GAB2: variants seen among roughly 807,000 people sequenced by gnomAD.
GAB2 encodes the protein GRB2 associated binding protein 2.
A neutral mutation model predicts 65.5 loss-of-function variants in GAB2; 26 were observed. The ratio of observed to expected loss-of-function variants is 0.40; its 90% CI spans 0.29 to 0.55. The LOEUF (loss-of-function observed/expected upper bound fraction) is 0.55. Ranked by LOEUF, GAB2 falls within the 20% of genes least tolerant of loss-of-function variation. GAB2 has a pLI of 0.53. For missense variants in GAB2, 884 were observed against 875.8 expected (o/e 1.01, Z -0.12); for synonymous variants, 321 against 329.6 (o/e 0.97, Z 0.28).
chr11:78,329,915 C>T (rs10793302), intron 1 of GAB2, among the ~76,000 whole-genome samples: 33,296 of 152,142 alleles, frequency 0.22, 3,952 homozygotes, highest in East Asian at 0.41. Context: ...TGTTTGCAGG[C>T]AGTCTGCCAA....
At chr11:78,240,235 T>C (rs1293835438) in intron 3 of GAB2, among the ~76,000 whole-genome samples, 2 of 152,026 alleles carry the variant, frequency 1.3e-5, no homozygotes, top group Non-Finnish European at 2.9e-5. Context: ...ATAATATGGT[T>C]CCCTGCATTC....
At chr11:78,235,829 G>A (rs543000587) in intron 3 of GAB2, among the ~76,000 whole-genome samples, 2 of 152,226 alleles carry the variant, frequency 1.3e-5, no homozygotes, top group Admixed American at 6.5e-5. Context: ...ACATTTTCCT[G>A]TCTTCTTCTG....
chr11:78,380,501 G>T (rs1856684442), intron 1 of GAB2, among the ~76,000 whole-genome samples: 1 of 152,132 alleles, frequency 6.6e-6, no homozygotes, highest in African/African-American at 2.4e-5. Context: ...CATTTCTAAG[G>T]CCTCATTTGA....
intron 1 of GAB2, among the ~76,000 whole-genome samples, chr11:78,291,262 C>A (rs1866660470): frequency 7.3e-6 from 1 of 136,302 alleles, no homozygotes. Flanking sequence ...ACCATCCTGG[C>A]TAATACGGTG....
chr11:78,263,639 A>G (rs1171378049), intron 2 of GAB2, among the ~76,000 whole-genome samples: 3 of 150,268 alleles, frequency 2.0e-5, no homozygotes, highest in African/African-American at 7.4e-5. Context: ...TCTGGGGGAA[A>G]AAAAAAAAAA....
At chr11:78,291,561 CTTTTTTTTTTTT>C (rs1163199130) in intron 1 of GAB2, among the ~76,000 whole-genome samples, 4 of 80,896 alleles carry the variant, frequency 4.9e-5, no homozygotes, top group Non-Finnish European at 6.5e-5. Flanking sequence ...TTTTCTTTTT[CTTTTTTTTTTTT>C]TTTTTTTTTT....
At chr11:78,370,459 A>T (rs1856556132) in intron 1 of GAB2, among the ~76,000 whole-genome samples, 1 of 152,128 alleles carries the variant, frequency 6.6e-6, no homozygotes, top group African/African-American at 2.4e-5. Context: ...GATGGGCAAG[A>T]TGTTTTTTAT....
chr11:78,393,695 G>A (rs954399270), intron 1 of GAB2, among the ~76,000 whole-genome samples: 18 of 152,074 alleles, frequency 1.2e-4, no homozygotes, highest in African/African-American at 3.9e-4. Flanking sequence ...ATAAAATAGC[G>A]GAAAATAGTT....
At chr11:78,397,117 G>A (rs1856911921) in intron 1 of GAB2, among the ~76,000 whole-genome samples, 1 of 151,884 alleles carries the variant, frequency 6.6e-6, no homozygotes, top group Non-Finnish European at 1.5e-5. Context: ...AATAAAACAA[G>A]TATTAACAAA....
rs60349763 is a variant in GAB2, at chr11:78,411,159, TGG to T, written c.75+6485_75+6486del. ...ACAGCAAGATTCTGGTGGGGGTGGT[TGG>T]GGGGGGGGATGGTGGAAGGAGAAGA... On this transcript the variant is annotated intron_variant, in intron 1 of 9. Transcript: ENST00000361507. 8.3e-3 allele frequency among the ~76,000 whole-genome samples: 653 copies of T among 79,142 alleles called. 6 individuals carry two copies. Among genetic ancestry groups the T allele is most frequent in the African/African-American group, 0.027 (632 of 23,188 alleles). The allele number at this position is 79,142 out of a possible 152,430, so 51.9% of individuals were successfully genotyped here.
intron 1 of GAB2, among the ~76,000 whole-genome samples, chr11:78,361,783 G>A (rs1481267310): frequency 6.6e-6 from 1 of 152,142 alleles, no homozygotes; most frequent in Non-Finnish European, 1.5e-5. Flanking sequence ...CAAACCCTCT[G>A]GAGAGCAATG....
At chr11:78,241,587 AC>A (rs1316663390) in intron 3 of GAB2, among the ~76,000 whole-genome samples, 1 of 151,452 alleles carries the variant, frequency 6.6e-6, no homozygotes, top group Non-Finnish European at 1.5e-5. Flanking sequence ...CACAATATGA[AC>A]AAAAAAATTC....
intron 1 of GAB2, among the ~76,000 whole-genome samples, chr11:78,372,764 T>G (rs190124841): frequency 6.6e-6 from 1 of 152,330 alleles, no homozygotes; most frequent in East Asian, 1.9e-4. Flanking sequence ...TTTTTATCTC[T>G]TAATCAATTC....
Position 78,415,896 on chromosome 11 carries a change from G to C in GAB2, c.75+1750C>G, listed in dbSNP as rs139277397. Reference sequence around the variant, plus strand: ...AAATTGTTTCAAAAACAACTTTCAAGGTTCTTTAGTGTATAGTGTTCAAAC... The same window carrying C: ...AAATTGTTTCAAAAACAACTTTCAACGTTCTTTAGTGTATAGTGTTCAAAC... On this transcript the variant is annotated intron_variant, in intron 1 of 9. Transcript: ENST00000361507. 1.8e-3 allele frequency among the ~76,000 whole-genome samples: 277 copies of C among 151,444 alleles called. 1 individual carries two copies. The highest frequency in any genetic ancestry group is 6.5e-3 in the African/African-American group (270 of 41,254).
At chr11:78,246,916 C>T (rs751982934) in intron 3 of GAB2, among the ~76,000 whole-genome samples, 3 of 152,154 alleles carry the variant, frequency 2.0e-5, no homozygotes, top group Admixed American at 1.3e-4. Context: ...TTGTTGCACT[C>T]GATTCGGTTT....
At chr11:78,302,356 C>CA (rs1402316244) in intron 1 of GAB2, among the ~76,000 whole-genome samples, 1 of 152,042 alleles carries the variant, frequency 6.6e-6, no homozygotes, top group East Asian at 1.9e-4. Flanking sequence ...ACAATCTCAT[C>CA]AAAAAGTGAG....
intron 3 of GAB2, among the ~76,000 whole-genome samples, chr11:78,246,058 T>C (rs986184158): frequency 1.5e-4 from 22 of 151,682 alleles, no homozygotes; most frequent in African/African-American, 5.3e-4. Flanking sequence ...GCCTCCCAAG[T>C]AGCTGGGATT....
At chr11:78,230,235 C>A (rs1864801650) in intron 3 of GAB2, among the ~76,000 whole-genome samples, 1 of 152,248 alleles carries the variant, frequency 6.6e-6, no homozygotes, top group South Asian at 2.1e-4. Context: ...AAAGCCCTTC[C>A]TCTGTAGAAC....
intron 1 of GAB2, among the ~76,000 whole-genome samples, chr11:78,282,030 T>C (rs1256969241): frequency 2.0e-5 from 3 of 152,194 alleles, no homozygotes; most frequent in Non-Finnish European, 4.4e-5. Context: ...ACATGTAACC[T>C]CAGGATTATA....
Sources: allele counts gnomAD v4.1 joint callset (sites outside exome capture counted in the v4.1 genomes callset), GRCh38; gene constraint gnomAD v4.1.1; transcripts MANE v1.5; gene names NCBI Gene and HGNC (gene_info 2026-07-23, HGNC 2026-07-21).